The following NRG3 variants were observed in gnomAD, a reference collection of about 807,000 sequenced individuals.
NRG3 encodes the protein pro-neuregulin-3, membrane-bound isoform.
A neutral mutation model predicts 66.9 loss-of-function variants in NRG3; 31 were observed. That is an observed-to-expected ratio of 0.46 (90% CI 0.35 to 0.63). NRG3 has a LOEUF of 0.63. Ranked by LOEUF, NRG3 falls within the 20% of genes least tolerant of loss-of-function variation. NRG3 has a pLI of 0.00. For missense variants in NRG3, 910 were observed against 878.9 expected, an observed-to-expected ratio of 1.04 and a Z score of -0.45; for synonymous variants, 393 against 359.4, an observed-to-expected ratio of 1.09 and a Z score of -1.06.
chr10:82,480,834 G>T (rs1842211123), intron 2 of NRG3, among the ~76,000 whole-genome samples: 1 of 152,178 alleles, frequency 6.6e-6, no homozygotes, highest in Non-Finnish European at 1.5e-5. Flanking sequence ...TAGTGCTGAT[G>T]GAAGTAAACT....
intron 2 of NRG3, among the ~76,000 whole-genome samples, chr10:82,360,453 A>G (rs1366437202): frequency 6.6e-6 from 1 of 152,232 alleles, no homozygotes; most frequent in Non-Finnish European, 1.5e-5. Context: ...CAGAAGCATT[A>G]GCTAAAGTAG....
At chr10:82,847,357 G>A (rs1047192305) in intron 3 of NRG3, among the ~76,000 whole-genome samples, 5 of 152,252 alleles carry the variant, frequency 3.3e-5, no homozygotes, top group African/African-American at 1.2e-4. Context: ...GTACAGTGGC[G>A]AGTAGATATC....
chr10:82,679,560 C>A (rs963774246), intron 2 of NRG3, among the ~76,000 whole-genome samples: 16 of 152,138 alleles, frequency 1.1e-4, no homozygotes, highest in Non-Finnish European at 1.9e-4. Flanking sequence ...TTAGTGAGGT[C>A]AGTCCAGTGA....
chr10:82,084,508 T>TG (rs2065604507), intron 1 of NRG3, among the ~76,000 whole-genome samples: 1 of 151,806 alleles, frequency 6.6e-6, no homozygotes, highest in Non-Finnish European at 1.5e-5. Context: ...TGAGATTTTT[T>TG]TTTTTTTTTG....
intron 1 of NRG3, among the ~76,000 whole-genome samples, chr10:81,938,357 A>G (rs1848082306): frequency 6.6e-6 from 1 of 150,964 alleles, no homozygotes; most frequent in Non-Finnish European, 1.5e-5. Context: ...ATCCATGGCC[A>G]TGGGATATCA....
At chr10:82,925,779 A>G (rs573380438) in intron 4 of NRG3, among the ~76,000 whole-genome samples, 1 of 152,356 alleles carries the variant, frequency 6.6e-6, no homozygotes, top group South Asian at 2.1e-4. Context: ...GAATACATAT[A>G]TCTGCAACTC....
chr10:82,342,610 T>TA (rs913934698), intron 1 of NRG3, among the ~76,000 whole-genome samples: 27 of 152,012 alleles, frequency 1.8e-4, no homozygotes, highest in African/African-American at 6.5e-4. Flanking sequence ...CCCTTTTTAA[T>TA]AGAGTTATTT....
At chr10:82,245,985 T>G (rs1247574473) in intron 1 of NRG3, among the ~76,000 whole-genome samples, 1 of 117,842 alleles carries the variant, frequency 8.5e-6, no homozygotes. Flanking sequence ...CTGGTTTTTT[T>G]TTTTTTTTTT....
intron 2 of NRG3, among the ~76,000 whole-genome samples, chr10:82,427,995 A>C (rs192230908): frequency 2.0e-5 from 3 of 151,988 alleles, no homozygotes; most frequent in African/African-American, 7.2e-5. Flanking sequence ...TGCTAACAAC[A>C]GTTGTTCATA....
At chr10:82,530,220 G>A (rs1341009474) in intron 2 of NRG3, among the ~76,000 whole-genome samples, 4 of 152,176 alleles carry the variant, frequency 2.6e-5, no homozygotes, top group African/African-American at 7.2e-5. Flanking sequence ...CTTGTGTCAT[G>A]ATAAAGGCAA....
At chr10:82,552,873 C>T (rs576868693) in intron 2 of NRG3, among the ~76,000 whole-genome samples, 80 of 152,208 alleles carry the variant, frequency 5.3e-4, no homozygotes, top group African/African-American at 1.8e-3. Flanking sequence ...AAACTCTAGC[C>T]TTGGGCCTCC....
chr10:82,954,256 G>A (rs532260909), intron 5 of NRG3, among the ~76,000 whole-genome samples: 4 of 152,032 alleles, frequency 2.6e-5, no homozygotes, highest in South Asian at 2.1e-4. Flanking sequence ...ACAGTATAAT[G>A]TGTAGTTGTA....
intron 2 of NRG3, among the ~76,000 whole-genome samples, chr10:82,599,804 G>A (rs2047507780): frequency 6.6e-6 from 1 of 152,104 alleles, no homozygotes; most frequent in Non-Finnish European, 1.5e-5. Context: ...GCTTCAGGGA[G>A]AGATTGTCTC....
chr10:82,559,175 G>A (rs1326338547), intron 2 of NRG3, among the ~76,000 whole-genome samples: 1 of 151,700 alleles, frequency 6.6e-6, no homozygotes, highest in Non-Finnish European at 1.5e-5. Context: ...CCATCCAGCT[G>A]ATCATGGTAA....
chr10:82,090,375 T>A (rs1468423530), intron 1 of NRG3, among the ~76,000 whole-genome samples: 4 of 152,240 alleles, frequency 2.6e-5, no homozygotes, highest in Non-Finnish European at 5.9e-5. Flanking sequence ...TATAATGATC[T>A]CTATCCTACT....
At chr10:82,955,232 A>C (rs1208381604) in intron 5 of NRG3, 2 of 151,952 alleles carry the variant, frequency 1.3e-5, no homozygotes. Flanking sequence ...GAAAGATGGA[A>C]GGTAGGTAAC....
chr10:82,266,201 A>G (rs1382756622), intron 1 of NRG3, among the ~76,000 whole-genome samples: 3 of 152,140 alleles, frequency 2.0e-5, no homozygotes, highest in Non-Finnish European at 2.9e-5. Flanking sequence ...TTGATAAAAT[A>G]CAGGGTCTAA....
chr10:82,836,274 T>C (rs1244424406), intron 3 of NRG3, among the ~76,000 whole-genome samples: 1 of 152,098 alleles, frequency 6.6e-6, no homozygotes, highest in Non-Finnish European at 1.5e-5. Context: ...AAAAAATTGA[T>C]GATCATTGGT....
chr10:82,364,809 G>T (rs1268514535), intron 2 of NRG3, among the ~76,000 whole-genome samples: 1 of 152,180 alleles, frequency 6.6e-6, no homozygotes, highest in Non-Finnish European at 1.5e-5. Flanking sequence ...TTGAAATATG[G>T]AATTGCTGGA....
Sources: allele counts gnomAD v4.1 joint callset (sites outside exome capture counted in the v4.1 genomes callset), GRCh38; gene constraint gnomAD v4.1.1; transcripts MANE v1.5; gene names NCBI Gene and HGNC (gene_info 2026-07-23, HGNC 2026-07-21).